DTNA: variants seen among roughly 807,000 people sequenced by gnomAD.
The protein encoded by DTNA is dystrobrevin alpha, also known as dystrophin-related protein 3.
In DTNA, 43 loss-of-function variants were observed where a neutral mutation model predicts 100.7. The ratio of observed to expected loss-of-function variants is 0.43; its 90% CI spans 0.33 to 0.55. The LOEUF (loss-of-function observed/expected upper bound fraction) is 0.55, where lower values mean the gene tolerates loss of function less well. Ranked by LOEUF, DTNA falls within the 20% of genes least tolerant of loss-of-function variation. The probability of loss-of-function intolerance (pLI) is 0.04; values close to 1 mark genes in which losing one functional copy is unlikely to be tolerated. For synonymous variants in DTNA, 349 were observed against 347.9 expected (o/e 1.00, Z -0.04); for missense variants, 798 against 953.9 (o/e 0.84, Z 2.15).
intron 12 of DTNA, 122 bp downstream of exon 12, chr18:34,838,293 T>G: frequency 1.0e-6 from 1 of 990,550 alleles, no homozygotes; most frequent in Non-Finnish European, 1.6e-6. Context: ...CAGCTCTGCT[T>G]TAACCCAGTT....
intron 1 of DTNA, among the ~76,000 whole-genome samples, chr18:34,711,192 G>A (rs1055135178): frequency 6.6e-5 from 10 of 152,244 alleles, no homozygotes; most frequent in African/African-American, 2.4e-4. Context: ...TCAATTCCCA[G>A]AGCGCAGACG....
intron 16 of DTNA, among the ~76,000 whole-genome samples, chr18:34,861,968 G>A (rs2096633549): frequency 6.6e-6 from 1 of 152,084 alleles, no homozygotes; most frequent in African/African-American, 2.4e-5. Context: ...GTTTTAGAAG[G>A]TTGCTTTAAC....
At chr18:34,747,895 T>C (rs1454699167) in intron 1 of DTNA, among the ~76,000 whole-genome samples, 2 of 152,192 alleles carry the variant, frequency 1.3e-5, no homozygotes, top group Non-Finnish European at 2.9e-5. Context: ...CATAGTGTTT[T>C]CCATAGTAGT....
intron 17 of DTNA, 118 bp from the exon 18 acceptor site, chr18:34,875,121 G>A: frequency 1.4e-6 from 2 of 1,442,194 alleles, no homozygotes. Flanking sequence ...AATTACCTAG[G>A]ATTTCCTCCT....
At chr18:34,770,298 A>G (rs1418639765) in intron 3 of DTNA, among the ~76,000 whole-genome samples, 2 of 152,266 alleles carry the variant, frequency 1.3e-5, no homozygotes, top group Admixed American at 6.5e-5. Context: ...ACTAAGTTTT[A>G]AAACTACATA....
chr18:34,837,971 A>T, intron 11 of DTNA, 123 bp from the exon 12 acceptor site: 2 of 901,516 alleles, frequency 2.2e-6, no homozygotes, highest in Non-Finnish European at 3.5e-6. Context: ...AACATTTCAA[A>T]ATAATAAGAG....
rs1024754946 is a variant in DTNA at position 34,518,173 on chromosome 18, A to G, written c.-2+24659A>G. On this transcript the variant is annotated intron_variant, in intron 1 of 19. Coordinates refer to the DTNA transcript ENST00000283365. ...TTGTGGTTTTACTAAGCGTTTCCTTAATGACTAACGATGTTGAACATCTTT... is the reference window on the plus strand; with the variant it reads ...TTGTGGTTTTACTAAGCGTTTCCTTGATGACTAACGATGTTGAACATCTTT... Among the ~76,000 whole-genome samples the G allele has an allele frequency of 1.3e-4, 20 of 152,292 alleles. No individual in the cohort carries two copies. In the East Asian group the frequency reaches 3.3e-3, roughly 25 times the overall value.
chr18:34,557,082 T>C (rs1167646243), intron 1 of DTNA, among the ~76,000 whole-genome samples: 1 of 151,124 alleles, frequency 6.6e-6, no homozygotes, highest in African/African-American at 2.5e-5. Context: ...TATTCTTTTT[T>C]CTCTAAACTT....
intron 1 of DTNA, among the ~76,000 whole-genome samples, chr18:34,633,814 G>A (rs577765126): frequency 6.6e-6 from 1 of 152,192 alleles, no homozygotes; most frequent in African/African-American, 2.4e-5. Context: ...TAAGGAAAAA[G>A]AGTAAATGGG....
chr18:34,872,948 TC>T (rs1408907182), intron 17 of DTNA, among the ~76,000 whole-genome samples: 10 of 152,228 alleles, frequency 6.6e-5, no homozygotes, highest in Admixed American at 4.6e-4. Flanking sequence ...TCTGCCATTC[TC>T]TTGCTCAGAA....
At chr18:34,792,969 G>A (rs1162272632) in intron 3 of DTNA, among the ~76,000 whole-genome samples, 1 of 152,112 alleles carries the variant, frequency 6.6e-6, no homozygotes, top group Non-Finnish European at 1.5e-5. Flanking sequence ...CAACAAGTGA[G>A]TTGATAACCA....
chr18:34,871,554 C>T (rs2096765947), intron 17 of DTNA, among the ~76,000 whole-genome samples: 1 of 152,216 alleles, frequency 6.6e-6, no homozygotes. Flanking sequence ...AGATTATTCA[C>T]TCTAACTCTT....
chr18:34,744,780 C>T (rs1328967815), intron 1 of DTNA, among the ~76,000 whole-genome samples: 2 of 152,142 alleles, frequency 1.3e-5, no homozygotes, highest in Non-Finnish European at 2.9e-5. Flanking sequence ...TTCAGTTATG[C>T]TTTAGCCTAT....
chr18:34,800,835 T>C (rs2095179683), intron 4 of DTNA, among the ~76,000 whole-genome samples: 1 of 152,156 alleles, frequency 6.6e-6, no homozygotes, highest in South Asian at 2.1e-4. Flanking sequence ...GCCCTACCGA[T>C]CAATATCTAT....
intron 1 of DTNA, among the ~76,000 whole-genome samples, chr18:34,702,418 TAAGTA>T (rs2081504468): frequency 6.6e-6 from 1 of 152,200 alleles, no homozygotes; most frequent in Non-Finnish European, 1.5e-5. Context: ...GTCTTCAGCA[TAAGTA>T]TTAAACTGTA....
At chr18:34,503,288 T>G (rs2040133567) in intron 1 of DTNA, among the ~76,000 whole-genome samples, 1 of 135,128 alleles carries the variant, frequency 7.4e-6, no homozygotes, top group Non-Finnish European at 1.6e-5. Flanking sequence ...CATTTTTTTT[T>G]TTTTTTTTTT....
intron 1 of DTNA, among the ~76,000 whole-genome samples, chr18:34,499,237 A>G (rs1358655384): frequency 6.6e-6 from 1 of 152,182 alleles, no homozygotes; most frequent in East Asian, 1.9e-4. Flanking sequence ...ATTATACATA[A>G]TGGGAACTTT....
chr18:34,560,735 A>C (rs551859858), intron 1 of DTNA, among the ~76,000 whole-genome samples: 1 of 152,084 alleles, frequency 6.6e-6, no homozygotes, highest in Non-Finnish European at 1.5e-5. Context: ...CTGAAACCCT[A>C]TCTCTACAAA....
chr18:34,627,211 G>A (rs1306002159), intron 1 of DTNA, among the ~76,000 whole-genome samples: 3 of 151,834 alleles, frequency 2.0e-5, no homozygotes, highest in Non-Finnish European at 4.4e-5. Context: ...GATGATTTAA[G>A]TGACTTGATC....
Sources: allele counts gnomAD v4.1 joint callset (sites outside exome capture counted in the v4.1 genomes callset), GRCh38; gene constraint gnomAD v4.1.1; transcripts MANE v1.5; gene names NCBI Gene and HGNC (gene_info 2026-07-23, HGNC 2026-07-21).